Variants in FOXN1 observed in about 807,000 individuals in gnomAD.
FOXN1 encodes forkhead box N1.
FOXN1 carries 15 observed loss-of-function variants against 49.0 expected under a neutral mutation model. That is an observed-to-expected ratio of 0.31 (90% confidence interval 0.20 to 0.47). The LOEUF (loss-of-function observed/expected upper bound fraction) is 0.47, where lower values mean the gene tolerates loss of function less well. Among genes scored for constraint, FOXN1 ranks in the 20% least tolerant of loss-of-function variants. The pLI is 1.00. For missense variants in FOXN1, 800 were observed against 842.8 expected (o/e 0.95, Z 0.63); for synonymous variants, 356 against 369.0 (o/e 0.96, Z 0.40).
At chr17:28,509,551 A>G (rs1296756872) in intron 1 of FOXN1, among the ~76,000 whole-genome samples, 2 of 152,228 alleles carry the variant, frequency 1.3e-5, no homozygotes, top group Non-Finnish European at 2.9e-5. Context: ...GCATTGAGGA[A>G]AAGCCCAGAG....
At chr17:28,515,997 C>G (rs2069486059) in intron 1 of FOXN1, among the ~76,000 whole-genome samples, 1 of 151,878 alleles carries the variant, frequency 6.6e-6, no homozygotes, top group Non-Finnish European at 1.5e-5. Flanking sequence ...GGGTACACAC[C>G]TCCAGAGGAT....
At chr17:28,536,099 G>C (rs145207055) in intron 8 of FOXN1, among the ~76,000 whole-genome samples, 2 of 152,200 alleles carry the variant, frequency 1.3e-5, no homozygotes, top group African/African-American at 4.8e-5. Context: ...ACGGGGTGAC[G>C]ACCCAGGCCT....
chr17:28,527,956 A>G (rs2069811555), intron 4 of FOXN1, among the ~76,000 whole-genome samples: 1 of 152,176 alleles, frequency 6.6e-6, no homozygotes, highest in Non-Finnish European at 1.5e-5. Context: ...CATGGGATGG[A>G]GGAGTTTTAA....
intron 1 of FOXN1, among the ~76,000 whole-genome samples, chr17:28,517,778 A>G (rs1168472132): frequency 8.5e-6 from 1 of 117,654 alleles, no homozygotes; most frequent in African/African-American, 3.4e-5. Context: ...CCTCCACAGG[A>G]TCCATACCTC....
chr17:28,528,055 C>T lies in FOXN1; in HGVS notation c.699+694C>T, dbSNP rs114980814. ...CAAGTGGCTGCCCAGCGCCCAGCTC[C>T]ATCCACCTGCAGCCTGGCACTGAGA... On this transcript the variant is annotated intron_variant, in intron 4 of 8. Transcript: ENST00000579795. 3.3e-3 allele frequency among the ~76,000 whole-genome samples: 508 copies of T among 152,368 alleles called. 2 individuals are homozygous for T. The highest frequency in any genetic ancestry group is 0.012 in the African/African-American group (486 of 41,592).
chr17:28,510,285 GAC>G (rs377424955), intron 1 of FOXN1, among the ~76,000 whole-genome samples: 3 of 151,460 alleles, frequency 2.0e-5, no homozygotes, highest in Admixed American at 6.6e-5. Flanking sequence ...TACACACAGA[GAC>G]ACACACACAC....
intron 1 of FOXN1, among the ~76,000 whole-genome samples, chr17:28,519,834 G>T (rs2151482593): frequency 6.6e-6 from 1 of 152,298 alleles, no homozygotes; most frequent in African/African-American, 2.4e-5. Context: ...GAAGAGGGAA[G>T]TTTAGCCTCT....
At chr17:28,529,804 G>T (rs1295274724) in intron 5 of FOXN1, among the ~76,000 whole-genome samples, 1 of 152,172 alleles carries the variant, frequency 6.6e-6, no homozygotes, top group Non-Finnish European at 1.5e-5. Flanking sequence ...CGGGTCATCA[G>T]CTAGTGTGAG....
rs1213099060 is a variant in FOXN1, at chr17:28,524,852, T to G, written c.473T>G (p.Phe158Cys). The G allele has an allele frequency of 6.2e-7, 1 of 1,613,534 alleles. No homozygotes were observed. Among genetic ancestry groups the G allele is most frequent in the Non-Finnish European group, 8.5e-7 (1 of 1,180,010 alleles). ...AAGACCCCAGGGCCGCTGGAGGCCTTCGAGGAGATCCCAGTGGACGTGGCG... is the reference window on the plus strand; with the variant it reads ...AAGACCCCAGGGCCGCTGGAGGCCTGCGAGGAGATCCCAGTGGACGTGGCG... ...SFKTPGPLEA[F>C]EEIPVDVAEA... Residue 158 changes from phenylalanine to cysteine, a missense_variant, in exon 3 of 9, where the codon TTC (phenylalanine) becomes TGC (cysteine). By Grantham distance (205) the Phe-to-Cys change is radical. Coordinates refer to ENST00000579795, the MANE Select transcript of FOXN1 (RefSeq NM_001369369.1).
At chr17:28,522,311 A>G (rs2151484555) in intron 1 of FOXN1, among the ~76,000 whole-genome samples, 1 of 152,338 alleles carries the variant, frequency 6.6e-6, no homozygotes, top group African/African-American at 2.4e-5. Flanking sequence ...ATTTAAGAGG[A>G]ATTGCTCTTG....
At position 28,514,613 on chromosome 17, in the gene FOXN1, C is replaced by T. The variant is rs796608836; in HGVS notation, c.-15+8170C>T. On this transcript the variant is annotated intron_variant, in intron 1 of 8. Coordinates refer to ENST00000579795, the MANE Select transcript of FOXN1 (RefSeq NM_001369369.1). The stretch of plus-strand genomic sequence containing the variant: ...TCCCAGCAGCCTGTCGGGTGGAGCC[C>T]TGGGTGGGGCTACAGGCCAGCACCC... 5.9e-5 allele frequency among the ~76,000 whole-genome samples: 9 copies of T among 152,264 alleles called. No individual in the cohort carries two copies. The East Asian group carries it at 1.5e-3, about 26-fold the overall frequency.
At chr17:28,515,862 A>G (rs2069482785) in intron 1 of FOXN1, among the ~76,000 whole-genome samples, 1 of 151,840 alleles carries the variant, frequency 6.6e-6, no homozygotes. Context: ...ACACCTCCAC[A>G]GGGTACACAC....
intron 8 of FOXN1, among the ~76,000 whole-genome samples, chr17:28,535,610 G>C (rs1011710777): frequency 6.6e-6 from 1 of 152,186 alleles, no homozygotes; most frequent in Non-Finnish European, 1.5e-5. Flanking sequence ...AATTAGCTGG[G>C]CATGGTGGCA....
chr17:28,510,671 G>A lies in FOXN1; in HGVS notation c.-15+4228G>A, dbSNP rs149884676. On this transcript the variant is annotated intron_variant, in intron 1 of 8. Transcript: ENST00000579795. ...TCTGCACTTAGCACCCCTCCTCCACGCAGGCCCAGAGTGACCACAGCAGTC... is the reference window on the plus strand; with the variant it reads ...TCTGCACTTAGCACCCCTCCTCCACACAGGCCCAGAGTGACCACAGCAGTC... 4.5e-3 allele frequency among the ~76,000 whole-genome samples: 679 copies of A among 151,718 alleles called. 5 individuals are homozygous for A. The highest frequency in any genetic ancestry group is 7.4e-3 in the Non-Finnish European group (505 of 67,956).
At position 28,524,075 on chromosome 17, in the gene FOXN1, T is replaced by C. The variant is rs2069706630; in HGVS notation, c.106T>C (p.Ser36Pro). 2 of 1,605,178 alleles carry C rather than the reference T, an allele frequency of 1.2e-6. No homozygotes were observed. The highest frequency in any genetic ancestry group is 1.7e-6 in the Non-Finnish European group (2 of 1,177,264). Residue 36 changes from serine (S) to proline (P), a missense_variant, in exon 2 of 9, where the codon TCC (serine) becomes CCC (proline). By Grantham distance (74) the Ser-to-Pro change is moderately conservative. Around this residue, in one of 3 missense-constraint regions of FOXN1, gnomAD observed 383 missense variants for 357.9 expected, o/e 1.07. Transcript: ENST00000579795. ...CATGCAGGCACCGGGCCTCCCAGGC[T>C]CCCCTGCCCCACAGAGTGTAAGTAC... is the stretch of plus-strand genomic sequence containing the variant. ...DLMQAPGLPG[S>P]PAPQSKHAGF...
At chr17:28,529,249 GGGA>G (rs768524713) in intron 5 of FOXN1, 25 bp downstream of exon 5, 1 of 1,612,812 alleles carries the variant, frequency 6.2e-7, no homozygotes, top group South Asian at 1.1e-5. Context: ...CTCCAGGGAT[GGGA>G]GGAGGAGGGG....
At chr17:28,530,686 G>A (rs1183519842) in intron 5 of FOXN1, 63 bp from the exon 6 acceptor site, 6 of 891,024 alleles carry the variant, frequency 6.7e-6, no homozygotes, top group Middle Eastern at 2.5e-4. Context: ...GGGGTGGGGG[G>A]CTTGGGGTGG....
intron 1 of FOXN1, among the ~76,000 whole-genome samples, chr17:28,510,397 C>G (rs1048370382): frequency 4.6e-5 from 7 of 151,986 alleles, no homozygotes; most frequent in African/African-American, 1.7e-4. Context: ...CACAGACACA[C>G]GCGCACGCAC....
At chr17:28,507,199 C>T (rs2069280977) in intron 1 of FOXN1, among the ~76,000 whole-genome samples, 1 of 152,138 alleles carries the variant, frequency 6.6e-6, no homozygotes, top group Non-Finnish European at 1.5e-5. Context: ...AAGTGAAGGC[C>T]CTTAGGGAAG....
Sources: gnomAD v4.1 joint callset for allele counts (sites outside exome capture counted in the v4.1 genomes callset) on GRCh38, gnomAD v4.1.1 for gene constraint, gnomAD v4.1.1 regional missense constraint, MANE v1.5 for transcripts, NCBI Gene and HGNC (gene_info 2026-07-23, HGNC 2026-07-21) for gene names.